Variants in ALK observed in about 807,000 individuals in gnomAD.
ALK encodes the protein ALK tyrosine kinase receptor.
A neutral mutation model predicts 163.1 loss-of-function variants in ALK; 74 were observed. The ratio of observed to expected loss-of-function variants is 0.45; its 90% CI spans 0.38 to 0.55. ALK has a LOEUF of 0.55. Among genes scored for constraint, ALK ranks in the 20% least tolerant of loss-of-function variants. The probability of loss-of-function intolerance (pLI) is 0.00; values close to 1 mark genes in which losing one functional copy is unlikely to be tolerated. For missense variants in ALK, 2,063 were observed against 2,105.3 expected (o/e 0.98, Z 0.39); for synonymous variants, 960 against 843.2 (o/e 1.14, Z -2.40).
intron 1 of ALK, among the ~76,000 whole-genome samples, chr2:29,806,910 CTG>C (rs893637409): frequency 2.6e-5 from 4 of 152,204 alleles, no homozygotes; most frequent in Admixed American, 1.3e-4. Context: ...GACCACAGGT[CTG>C]TGTTAGACAA....
At chr2:29,264,956 G>A (rs78652715) in intron 11 of ALK, among the ~76,000 whole-genome samples, 1 of 152,176 alleles carries the variant, frequency 6.6e-6, no homozygotes, top group African/African-American at 2.4e-5. Flanking sequence ...GCGCACACCA[G>A]CCCACACTCA....
intron 11 of ALK, among the ~76,000 whole-genome samples, chr2:29,264,366 T>G (rs908142379): frequency 1.3e-5 from 2 of 152,222 alleles, no homozygotes; most frequent in Non-Finnish European, 2.9e-5. Flanking sequence ...AACCTGAAGT[T>G]TTTTTCCCTC....
In ALK at chr2:29,574,693, G is replaced by T. The variant is rs1211361669; in HGVS notation, c.953-42577C>A. On this transcript the variant is annotated intron_variant, in intron 3 of 28. Transcript: ENST00000389048. Reference sequence around the variant, plus strand: ...ACAAGTTCCCTAGACTTGCTTTGAGGCAGGGCCTCCTGCGGGTTGGTGTTT... The same window carrying T: ...ACAAGTTCCCTAGACTTGCTTTGAGTCAGGGCCTCCTGCGGGTTGGTGTTT... 2.6e-5 allele frequency among the ~76,000 whole-genome samples: 4 copies of T among 152,344 alleles called. No homozygotes were observed. In the East Asian group the frequency reaches 7.7e-4, roughly 29 times the overall value.
At chr2:29,831,017 A>AG (rs754266305) in intron 1 of ALK, among the ~76,000 whole-genome samples, 2,342 of 42,606 alleles carry the variant, frequency 0.055, 143 homozygotes, top group Non-Finnish European at 0.076. Flanking sequence ...AAGAAGGGGA[A>AG]GAGGAAGGGG....
chr2:29,220,628 G>C (rs2148166046), intron 23 of ALK, 78 bp downstream of exon 23: 1 of 1,603,950 alleles, frequency 6.2e-7, no homozygotes, highest in Non-Finnish European at 8.5e-7. Flanking sequence ...TTGCTACCCA[G>C]GCTGCCCACT....
chr2:29,842,671 G>A (rs1665730108), intron 1 of ALK, among the ~76,000 whole-genome samples: 1 of 152,182 alleles, frequency 6.6e-6, no homozygotes, highest in African/African-American at 2.4e-5. Context: ...TGGACCACAT[G>A]GAGATGGAGG....
intron 1 of ALK, among the ~76,000 whole-genome samples, chr2:29,850,568 C>G (rs1055757090): frequency 2.6e-5 from 4 of 152,166 alleles, no homozygotes; most frequent in Admixed American, 1.3e-4. Context: ...CAGAAAAAGG[C>G]CTCAATCCCT....
intron 5 of ALK, among the ~76,000 whole-genome samples, chr2:29,378,454 C>G (rs1668811951): frequency 6.6e-6 from 1 of 152,114 alleles, no homozygotes; most frequent in Admixed American, 6.5e-5. Context: ...GCCAGATGGC[C>G]TCCATTTCAA....
At chr2:29,607,319 T>C (rs1675567187) in intron 3 of ALK, among the ~76,000 whole-genome samples, 1 of 152,152 alleles carries the variant, frequency 6.6e-6, no homozygotes, top group South Asian at 2.1e-4. Flanking sequence ...TCATACTTTC[T>C]CTCCTTACTG....
intron 1 of ALK, among the ~76,000 whole-genome samples, chr2:29,878,305 T>C (rs1223037100): frequency 6.6e-6 from 1 of 152,082 alleles, no homozygotes; most frequent in African/African-American, 2.4e-5. Context: ...GGAAATTAGG[T>C]CTCTAGGAGG....
chr2:29,568,485 T>C (rs1468324130), intron 3 of ALK, among the ~76,000 whole-genome samples: 5 of 152,210 alleles, frequency 3.3e-5, no homozygotes, highest in African/African-American at 1.2e-4. Context: ...GGAATTCAAA[T>C]GTCTAGTGTG....
chr2:29,193,088 T>A lies in ALK; in HGVS notation c.*136A>T. 1 of 958,088 alleles carries A rather than the reference T, an allele frequency of 1.0e-6. No individual in the cohort carries two copies. The highest frequency in any genetic ancestry group is 1.6e-6 in the Non-Finnish European group (1 of 613,400). 59.3% of individuals were successfully genotyped at this position (958,088 alleles called of 1,614,324 possible). A position where few individuals can be genotyped will look rare whatever the true frequency, so the allele number is the denominator to read the frequency against. ...CTAAAGCATTTTCAAAATACAGCTTTTTTGGTGGTACTTCAAAATAGGTTG... is the reference window on the plus strand; with the variant it reads ...CTAAAGCATTTTCAAAATACAGCTTATTTGGTGGTACTTCAAAATAGGTTG... On this transcript the variant is annotated 3_prime_UTR_variant, in exon 29 of 29. Coordinates refer to ENST00000389048, the MANE Select transcript of ALK (RefSeq NM_004304.5).
intron 13 of ALK, among the ~76,000 whole-genome samples, chr2:29,235,990 G>A (rs541964183): frequency 6.9e-5 from 10 of 145,920 alleles, no homozygotes; most frequent in African/African-American, 2.5e-4. Flanking sequence ...GTACAGGTAC[G>A]AAATACCATG....
At chr2:29,332,142 C>A (rs573597961) in intron 5 of ALK, among the ~76,000 whole-genome samples, 1 of 151,380 alleles carries the variant, frequency 6.6e-6, no homozygotes, top group Admixed American at 6.6e-5. Flanking sequence ...AAAAATTAGC[C>A]GGGTGTGATG....
At chr2:29,208,899 T>C (rs1167592623) in intron 25 of ALK, among the ~76,000 whole-genome samples, 1 of 151,422 alleles carries the variant, frequency 6.6e-6, no homozygotes, top group African/African-American at 2.4e-5. Context: ...AAAGTAGTAT[T>C]AGCTTTTAAA....
intron 1 of ALK, among the ~76,000 whole-genome samples, chr2:29,752,516 A>G (rs1680399489): frequency 1.3e-5 from 2 of 150,966 alleles, no homozygotes; most frequent in African/African-American, 4.9e-5. Context: ...TGCCCGGCTA[A>G]TTTTTGTATT....
chr2:29,876,626 T>TGATGGCGGTGATGGTGATGGC (rs1558529448), intron 1 of ALK, among the ~76,000 whole-genome samples: 2 of 150,322 alleles, frequency 1.3e-5, no homozygotes, highest in African/African-American at 4.9e-5. Flanking sequence ...CTGATGGTGG[T>TGATGGCGGTGATGGTGATGGC]GATGGCGGTG....
intron 3 of ALK, among the ~76,000 whole-genome samples, chr2:29,548,568 A>T (rs965097694): frequency 6.6e-6 from 1 of 151,578 alleles, no homozygotes; most frequent in Non-Finnish European, 1.5e-5. Context: ...GGAAACACAC[A>T]GCAAAACACC....
intron 4 of ALK, among the ~76,000 whole-genome samples, chr2:29,392,804 T>C (rs1432503615): frequency 3.9e-5 from 6 of 152,194 alleles, no homozygotes; most frequent in Non-Finnish European, 5.9e-5. Context: ...GCTTGCTGGA[T>C]TAGCACAAGC....
Sources: gnomAD v4.1 joint callset for allele counts (sites outside exome capture counted in the v4.1 genomes callset) on GRCh38, gnomAD v4.1.1 for gene constraint, MANE v1.5 for transcripts, NCBI Gene and HGNC (gene_info 2026-07-23, HGNC 2026-07-21) for gene names.